HSDL2: variants seen among roughly 807,000 people sequenced by gnomAD.
The protein encoded by HSDL2 is hydroxysteroid dehydrogenase-like protein 2.
Under a neutral mutation model 46.3 loss-of-function variants are expected in HSDL2, and 27 were observed. The observed-to-expected ratio is 0.58, with a 90% CI of 0.43 to 0.80. HSDL2 has a LOEUF of 0.80. HSDL2 is among the 30% of genes least tolerant of loss of function. The pLI is 0.00. For synonymous variants in HSDL2, 153 were observed against 163.6 expected (o/e 0.94, Z 0.50); for missense variants, 451 against 502.7 (o/e 0.90, Z 0.98).
At chr9:112,468,571 C>T (rs142882253) in intron 10 of HSDL2, among the ~76,000 whole-genome samples, 1 of 152,162 alleles carries the variant, frequency 6.6e-6, no homozygotes, top group Non-Finnish European at 1.5e-5. Flanking sequence ...TGCCTTTCCC[C>T]CTTTCCCTTT....
At chr9:112,397,460 A>C (rs147047867) in intron 1 of HSDL2, among the ~76,000 whole-genome samples, 57 of 152,306 alleles carry the variant, frequency 3.7e-4, no homozygotes, top group African/African-American at 1.3e-3. Context: ...ATTTAGCCAA[A>C]AAATCAGGAT....
intron 4 of HSDL2, among the ~76,000 whole-genome samples, chr9:112,416,157 C>A (rs999625377): frequency 6.6e-5 from 10 of 150,770 alleles, no homozygotes; most frequent in African/African-American, 2.4e-4. Flanking sequence ...CACTTGTAAT[C>A]CTAGTACTTT....
At chr9:112,399,266 T>C (rs1831533838) in intron 1 of HSDL2, among the ~76,000 whole-genome samples, 1 of 152,062 alleles carries the variant, frequency 6.6e-6, no homozygotes. Flanking sequence ...CCAGCAAGGT[T>C]TTATTAAAGG....
intron 6 of HSDL2, among the ~76,000 whole-genome samples, chr9:112,431,953 C>T (rs978631657): frequency 6.7e-6 from 1 of 150,124 alleles, no homozygotes; most frequent in African/African-American, 2.5e-5. Flanking sequence ...GATCTCAGCT[C>T]ACTGCAACCT....
chr9:112,450,626 C>CAAAAAA (rs56114018), intron 8 of HSDL2, among the ~76,000 whole-genome samples: 4 of 120,658 alleles, frequency 3.3e-5, no homozygotes, highest in African/African-American at 9.8e-5. Context: ...AAGACTGCCT[C>CAAAAAA]AAAAAAAAAA....
chr9:112,462,156 G>C (rs1833229377), intron 10 of HSDL2, among the ~76,000 whole-genome samples: 2 of 151,972 alleles, frequency 1.3e-5, no homozygotes, highest in African/African-American at 4.8e-5. Flanking sequence ...TTTATGTAGT[G>C]GATACATTAT....
chr9:112,402,562 A>AG (rs1831628305), intron 1 of HSDL2, among the ~76,000 whole-genome samples: 1 of 150,562 alleles, frequency 6.6e-6, no homozygotes, highest in African/African-American at 2.4e-5. Context: ...AAAAAAAAAA[A>AG]AAGCACGTAG....
At chr9:112,458,938 G>A (rs62570891) in intron 9 of HSDL2, among the ~76,000 whole-genome samples, 19,436 of 151,628 alleles carry the variant, frequency 0.13, 1,744 homozygotes, top group East Asian at 0.2. Context: ...CCGAGATCGC[G>A]CCACTGCACT....
At chr9:112,390,461 T>A (rs186968701) in intron 1 of HSDL2, among the ~76,000 whole-genome samples, 3 of 152,240 alleles carry the variant, frequency 2.0e-5, no homozygotes, top group African/African-American at 4.8e-5. Flanking sequence ...AACTTATTAA[T>A]TTATCTATTT....
intron 6 of HSDL2, among the ~76,000 whole-genome samples, chr9:112,431,331 T>C (rs1832392171): frequency 6.6e-6 from 1 of 152,036 alleles, no homozygotes; most frequent in South Asian, 2.1e-4. Context: ...CAAAACTACA[T>C]GATACCATCT....
chr9:112,413,012 TA>T (rs1376715610), intron 4 of HSDL2, among the ~76,000 whole-genome samples: 1 of 151,950 alleles, frequency 6.6e-6, no homozygotes, highest in African/African-American at 2.4e-5. Flanking sequence ...TTCCTACCTT[TA>T]TAAACAGCCA....
intron 1 of HSDL2, among the ~76,000 whole-genome samples, chr9:112,380,525 G>A (rs998832476): frequency 1.3e-5 from 2 of 152,182 alleles, no homozygotes; most frequent in African/African-American, 4.8e-5. Context: ...CTAGGTGAAA[G>A]GTCGCAGGAG....
At chr9:112,402,759 A>G (rs921535142) in intron 1 of HSDL2, among the ~76,000 whole-genome samples, 1 of 152,128 alleles carries the variant, frequency 6.6e-6, no homozygotes, top group African/African-American at 2.4e-5. Flanking sequence ...CGTCTCTGCT[A>G]AAAATACAAA....
At chr9:112,398,928 G>C (rs1056015456) in intron 1 of HSDL2, among the ~76,000 whole-genome samples, 1 of 151,358 alleles carries the variant, frequency 6.6e-6, no homozygotes, top group African/African-American at 2.4e-5. Flanking sequence ...CTTAGACTTC[G>C]TGTGACCCAT....
At chr9:112,429,331 G>A (rs149094379) in intron 6 of HSDL2, among the ~76,000 whole-genome samples, 1 of 152,268 alleles carries the variant, frequency 6.6e-6, no homozygotes, top group East Asian at 1.9e-4. Context: ...AGGCAACATG[G>A]GTACTAAGAT....
At chr9:112,444,786 C>T (rs1050624486) in intron 8 of HSDL2, among the ~76,000 whole-genome samples, 2 of 151,476 alleles carry the variant, frequency 1.3e-5, no homozygotes, top group African/African-American at 4.8e-5. Flanking sequence ...TTCATTGATT[C>T]CCCCCACCCC....
intron 6 of HSDL2, among the ~76,000 whole-genome samples, chr9:112,426,062 T>G (rs1007461537): frequency 6.6e-6 from 1 of 152,140 alleles, no homozygotes; most frequent in Non-Finnish European, 1.5e-5. Flanking sequence ...TGATAAAATA[T>G]CCAAACATCA....
At chr9:112,464,223 CAG>C (rs1419779210) in intron 10 of HSDL2, among the ~76,000 whole-genome samples, 5 of 770 alleles carry the variant, frequency 6.5e-3, no homozygotes, top group African/African-American at 0.021. Context: ...GACACACACA[CAG>C]ACACACACAC....
chr9:112,436,991 G>A (rs575930199), intron 6 of HSDL2, among the ~76,000 whole-genome samples: 4 of 121,638 alleles, frequency 3.3e-5, no homozygotes, highest in South Asian at 2.5e-4. Flanking sequence ...ACGGAGTCTC[G>A]CTCTGTCACC....
Sources: allele counts gnomAD v4.1 joint callset (sites outside exome capture counted in the v4.1 genomes callset), GRCh38; gene constraint gnomAD v4.1.1; transcripts MANE v1.5; gene names NCBI Gene and HGNC (gene_info 2026-07-23, HGNC 2026-07-21).